The following CNTNAP5 variants were observed in gnomAD, a reference collection of about 807,000 sequenced individuals.
CNTNAP5 encodes contactin-associated protein-like 5.
In CNTNAP5, 72 loss-of-function variants were observed where a neutral mutation model predicts 150.2. That is an observed-to-expected ratio of 0.48 (90% CI 0.40 to 0.58). The LOEUF (loss-of-function observed/expected upper bound fraction) is 0.58. CNTNAP5 is among the 20% of genes least tolerant of loss of function. The probability of loss-of-function intolerance (pLI) is 0.00; values close to 1 mark genes in which losing one functional copy is unlikely to be tolerated. For synonymous variants in CNTNAP5, 672 were observed against 619.8 expected (o/e 1.08, Z -1.25); for missense variants, 1,636 against 1,626.2 (o/e 1.01, Z -0.10).
intron 6 of CNTNAP5, among the ~76,000 whole-genome samples, chr2:124,461,848 G>A (rs535898563): frequency 3.8e-4 from 46 of 121,206 alleles, no homozygotes; most frequent in African/African-American, 1.4e-3. Flanking sequence ...GTGACAGGGT[G>A]AGATTCCACC....
intron 13 of CNTNAP5, among the ~76,000 whole-genome samples, chr2:124,690,976 A>T (rs1430506526): frequency 6.6e-6 from 1 of 152,144 alleles, no homozygotes; most frequent in Non-Finnish European, 1.5e-5. Context: ...GAAAAGGCAA[A>T]CAAATTTACT....
chr2:124,577,370 T>C (rs890146890), intron 11 of CNTNAP5, among the ~76,000 whole-genome samples: 1 of 152,240 alleles, frequency 6.6e-6, no homozygotes, highest in African/African-American at 2.4e-5. Context: ...AGTAGCTGAT[T>C]CCACAGTTTA....
At chr2:124,348,579 T>G (rs1234502682) in intron 3 of CNTNAP5, among the ~76,000 whole-genome samples, 1 of 152,162 alleles carries the variant, frequency 6.6e-6, no homozygotes, top group Non-Finnish European at 1.5e-5. Context: ...ATTTAGAAAA[T>G]GCAGACATGT....
In CNTNAP5 at chr2:124,490,179, C is replaced by T. The variant is rs140298947; in HGVS notation, c.1063-14113C>T. 2.0e-3 allele frequency among the ~76,000 whole-genome samples: 303 copies of T among 151,846 alleles called. 1 individual carries two copies. Among genetic ancestry groups the T allele is most frequent in the African/African-American group, 6.9e-3 (286 of 41,444 alleles). On this transcript the variant is annotated intron_variant, in intron 7 of 23. Coordinates refer to ENST00000682447, the MANE Select transcript of CNTNAP5 (RefSeq NM_001367498.1). ...TGAAACCCCATCTCTACTAAAAATC[C>T]AAAAATTAGCCAGGCATGGTGGTGT... is the stretch of plus-strand genomic sequence containing the variant.
At chr2:124,148,443 C>T (rs190435657) in intron 1 of CNTNAP5, among the ~76,000 whole-genome samples, 4 of 148,060 alleles carry the variant, frequency 2.7e-5, no homozygotes, top group South Asian at 2.1e-4. Flanking sequence ...CCTGCCGTAT[C>T]GTCATGTTTC....
intron 11 of CNTNAP5, among the ~76,000 whole-genome samples, chr2:124,592,100 G>A (rs1427830476): frequency 6.6e-6 from 1 of 152,020 alleles, no homozygotes; most frequent in Non-Finnish European, 1.5e-5. Context: ...GTGCAACATA[G>A]TTTATTCAAC....
At chr2:124,535,773 C>G (rs1208418645) in intron 10 of CNTNAP5, among the ~76,000 whole-genome samples, 1 of 151,804 alleles carries the variant, frequency 6.6e-6, no homozygotes, top group African/African-American at 2.4e-5. Flanking sequence ...AAGACTCCTT[C>G]TCAAAAACAA....
intron 17 of CNTNAP5, among the ~76,000 whole-genome samples, chr2:124,781,019 G>A (rs569486521): frequency 2.0e-5 from 3 of 152,296 alleles, no homozygotes; most frequent in South Asian, 4.1e-4. Flanking sequence ...TGGGTGCTTC[G>A]GTGGAGTTTG....
chr2:124,026,246 G>C (rs1474950318), intron 1 of CNTNAP5, among the ~76,000 whole-genome samples: 2 of 152,136 alleles, frequency 1.3e-5, no homozygotes, highest in Non-Finnish European at 2.9e-5. Context: ...GCAACCAATG[G>C]GCACCGGTTT....
At chr2:124,310,153 T>A (rs1017992325) in intron 3 of CNTNAP5, among the ~76,000 whole-genome samples, 5 of 152,120 alleles carry the variant, frequency 3.3e-5, no homozygotes, top group Admixed American at 2.0e-4. Context: ...TTATTGTAAC[T>A]GCAGATTTCT....
At chr2:124,524,912 C>T (rs1328738053) in intron 9 of CNTNAP5, among the ~76,000 whole-genome samples, 2 of 152,148 alleles carry the variant, frequency 1.3e-5, no homozygotes, top group East Asian at 3.9e-4. Flanking sequence ...TCTCCTGTCC[C>T]CTCCTTCCCC....
chr2:124,551,575 C>T (rs908923233), intron 10 of CNTNAP5, among the ~76,000 whole-genome samples: 10 of 152,146 alleles, frequency 6.6e-5, no homozygotes, highest in Admixed American at 6.5e-4. Flanking sequence ...AGTCAGCTTG[C>T]ATTTTGAGGA....
intron 21 of CNTNAP5, among the ~76,000 whole-genome samples, chr2:124,898,766 AG>A (rs1678357866): frequency 6.6e-6 from 1 of 151,490 alleles, no homozygotes; most frequent in Admixed American, 6.6e-5. Context: ...GGGCATGTTG[AG>A]GGGCACTGAA....
chr2:124,312,311 G>A (rs1265941267), intron 3 of CNTNAP5, among the ~76,000 whole-genome samples: 1 of 152,130 alleles, frequency 6.6e-6, no homozygotes, highest in African/African-American at 2.4e-5. Context: ...TAAGTCTTTA[G>A]CAGAATTCTT....
chr2:124,653,910 A>ATC (rs1573525170), intron 13 of CNTNAP5, among the ~76,000 whole-genome samples: 1 of 18,382 alleles, frequency 5.4e-5, no homozygotes, highest in Non-Finnish European at 1.1e-4. Context: ...CACTGCCCCC[A>ATC]ACCCCCCCCC....
At chr2:124,633,733 T>G (rs1202104340) in intron 12 of CNTNAP5, among the ~76,000 whole-genome samples, 1 of 152,180 alleles carries the variant, frequency 6.6e-6, no homozygotes, top group Non-Finnish European at 1.5e-5. Flanking sequence ...TGGAGCAGGT[T>G]TTTGCCTGGA....
chr2:124,797,128 G>C (rs1192219641), intron 18 of CNTNAP5, among the ~76,000 whole-genome samples: 1 of 152,158 alleles, frequency 6.6e-6, no homozygotes, highest in East Asian at 1.9e-4. Context: ...GATGAGGTAG[G>C]TGTTATGATT....
At chr2:124,396,344 G>T (rs148408806) in intron 3 of CNTNAP5, among the ~76,000 whole-genome samples, 1 of 152,122 alleles carries the variant, frequency 6.6e-6, no homozygotes, top group Non-Finnish European at 1.5e-5. Flanking sequence ...CCCTGCATTC[G>T]ATATGGGGCA....
intron 1 of CNTNAP5, among the ~76,000 whole-genome samples, chr2:124,196,844 C>T (rs1685598664): frequency 6.6e-6 from 1 of 152,172 alleles, no homozygotes; most frequent in Non-Finnish European, 1.5e-5. Flanking sequence ...TCCCCAAGCC[C>T]TGGGGACCAT....
Sources: allele counts gnomAD v4.1 joint callset (sites outside exome capture counted in the v4.1 genomes callset), GRCh38; gene constraint gnomAD v4.1.1; transcripts MANE v1.5; gene names NCBI Gene and HGNC (gene_info 2026-07-23, HGNC 2026-07-21).